Variants in GLI2 observed in about 807,000 individuals in gnomAD.
The protein encoded by GLI2 is GLI family zinc finger 2.
GLI2 carries 22 observed loss-of-function variants against 78.9 expected under a neutral mutation model. That is an observed-to-expected ratio of 0.28 (90% CI 0.20 to 0.40). The LOEUF is 0.40. Ranked by LOEUF, GLI2 falls within the 10% of genes least tolerant of loss-of-function variation. GLI2 has a pLI of 1.00. For missense variants in GLI2, 2,097 were observed against 2,213.2 expected (o/e 0.95, Z 1.05); for synonymous variants, 974 against 963.7 (o/e 1.01, Z -0.20).
At chr2:120,874,699 G>A (rs1688644699) in intron 2 of GLI2, among the ~76,000 whole-genome samples, 1 of 152,246 alleles carries the variant, frequency 6.6e-6, no homozygotes, top group African/African-American at 2.4e-5. Context: ...TGCTCAGGAG[G>A]ACGCAGGCAG....
At chr2:120,897,027 T>G (rs1558866102) in intron 2 of GLI2, among the ~76,000 whole-genome samples, 1 of 152,132 alleles carries the variant, frequency 6.6e-6, no homozygotes. Flanking sequence ...CTGTCCCAGG[T>G]GGCCTGTGTG....
chr2:120,927,235 A>C, intron 2 of GLI2, 126 bp from the exon 3 acceptor site: 1 of 781,432 alleles, frequency 1.3e-6, no homozygotes, highest in East Asian at 2.4e-5. Flanking sequence ...TCGCGCGGGC[A>C]CTGCGGAGCC....
intron 5 of GLI2, among the ~76,000 whole-genome samples, chr2:120,957,706 A>G (rs1276215419): frequency 6.6e-6 from 1 of 152,236 alleles, no homozygotes; most frequent in Non-Finnish European, 1.5e-5. Context: ...AGTGATTTTC[A>G]GCATGAGCGT....
chr2:120,908,531 C>G (rs1678656280), intron 2 of GLI2, among the ~76,000 whole-genome samples: 2 of 152,200 alleles, frequency 1.3e-5, no homozygotes, highest in Admixed American at 1.3e-4. Flanking sequence ...AGCCTGGGTC[C>G]TGGGCTGAGA....
At chr2:120,857,439 A>T (rs1342823805) in intron 2 of GLI2, among the ~76,000 whole-genome samples, 1 of 67,274 alleles carries the variant, frequency 1.5e-5, no homozygotes, top group East Asian at 5.4e-4. Flanking sequence ...CCACCTACCT[A>T]CCCATCTGCT....
chr2:120,783,160 ACTGGCT>A (rs1048786054), intron 1 of GLI2, among the ~76,000 whole-genome samples: 2 of 152,196 alleles, frequency 1.3e-5, no homozygotes, highest in African/African-American at 2.4e-5. Context: ...GGGCAGGGGA[ACTGGCT>A]CCCAGTAATG....
At chr2:120,783,844 C>T (rs55886916) in intron 1 of GLI2, among the ~76,000 whole-genome samples, 1 of 152,156 alleles carries the variant, frequency 6.6e-6, no homozygotes, top group Non-Finnish European at 1.5e-5. Flanking sequence ...GCATTTCAAT[C>T]GGTTGCTCTT....
intron 2 of GLI2, among the ~76,000 whole-genome samples, chr2:120,836,980 T>C (rs1425884185): frequency 2.0e-5 from 3 of 152,248 alleles, no homozygotes; most frequent in Admixed American, 6.5e-5. Context: ...TCTGCTCTTT[T>C]GCAACGTATT....
Position 120,869,976 on chromosome 2 carries a change from A to G in GLI2, c.149-57385A>G, listed in dbSNP as rs532286392. ...TTTAGTGTTCTGTTTCTCTTTCTAG[A>G]CAGTTTTGGAAAGTTTTCCAATTTC... On this transcript the variant is annotated intron_variant, in intron 2 of 13. Transcript: ENST00000361492. Among the ~76,000 whole-genome samples, 4 of 152,266 alleles carry G rather than the reference A, an allele frequency of 2.6e-5. No homozygotes were observed. In the South Asian group the frequency reaches 6.2e-4, roughly 24 times the overall value.
At chr2:120,885,682 G>A (rs1382967858) in intron 2 of GLI2, among the ~76,000 whole-genome samples, 1 of 152,240 alleles carries the variant, frequency 6.6e-6, no homozygotes, top group Non-Finnish European at 1.5e-5. Context: ...TGGGCAGAGG[G>A]ACTCAGGCTT....
intron 1 of GLI2, among the ~76,000 whole-genome samples, chr2:120,789,452 C>A (rs942113170): frequency 3.3e-5 from 5 of 152,106 alleles, no homozygotes; most frequent in African/African-American, 1.2e-4. Context: ...GCTCTCCGGG[C>A]CAAGTTCAGG....
intron 2 of GLI2, among the ~76,000 whole-genome samples, chr2:120,891,084 A>G (rs912164672): frequency 3.3e-5 from 5 of 152,214 alleles, no homozygotes; most frequent in Admixed American, 6.5e-5. Context: ...GCCCACAGAA[A>G]TGAAAAGATG....
intron 2 of GLI2, among the ~76,000 whole-genome samples, chr2:120,915,884 G>T (rs1399956068): frequency 6.6e-6 from 1 of 152,170 alleles, no homozygotes; most frequent in African/African-American, 2.4e-5. Flanking sequence ...ACTGGTAAAT[G>T]GTCACCAGGA....
At chr2:120,955,169 T>C in intron 4 of GLI2, 76 bp from the exon 5 acceptor site, 1 of 637,260 alleles carries the variant, frequency 1.6e-6, no homozygotes, top group Non-Finnish European at 2.6e-6. Context: ...TTTTTTTTTT[T>C]TTTTTTTTTT....
intron 5 of GLI2, among the ~76,000 whole-genome samples, chr2:120,966,016 C>A (rs972522031): frequency 6.6e-5 from 10 of 152,178 alleles, no homozygotes; most frequent in Non-Finnish European, 1.2e-4. Context: ...TCTTCATAGC[C>A]CAATAGAATA....
chr2:120,961,316 A>T (rs1681544107), intron 5 of GLI2, among the ~76,000 whole-genome samples: 1 of 152,186 alleles, frequency 6.6e-6, no homozygotes, highest in African/African-American at 2.4e-5. Context: ...AGGCAGGAAG[A>T]GCTGGTAGAG....
intron 2 of GLI2, among the ~76,000 whole-genome samples, chr2:120,868,715 ATGG>A (rs1483307930): frequency 3.3e-5 from 5 of 152,186 alleles, no homozygotes; most frequent in East Asian, 1.9e-4. Context: ...TAGAAGAGAA[ATGG>A]TCGAGGGAAG....
chr2:120,777,943 G>T (rs567712242), intron 1 of GLI2, among the ~76,000 whole-genome samples: 91 of 152,210 alleles, frequency 6.0e-4, no homozygotes, highest in African/African-American at 2.1e-3. Flanking sequence ...CTCACTGGGG[G>T]TACAGAAGTT....
chr2:120,796,042 C>T (rs1408646061), intron 1 of GLI2, among the ~76,000 whole-genome samples: 2 of 152,056 alleles, frequency 1.3e-5, no homozygotes, highest in African/African-American at 4.8e-5. Flanking sequence ...GAGACTCCAG[C>T]TCAAAAACAA....
Sources: allele counts gnomAD v4.1 joint callset (sites outside exome capture counted in the v4.1 genomes callset), GRCh38; gene constraint gnomAD v4.1.1; transcripts MANE v1.5; gene names NCBI Gene and HGNC (gene_info 2026-07-23, HGNC 2026-07-21).